Variants in GRIA4 observed in about 807,000 individuals in gnomAD.
GRIA4 encodes the protein glutamate receptor 4.
Under a neutral mutation model 104.0 loss-of-function variants are expected in GRIA4, and 34 were observed. That is an observed-to-expected ratio of 0.33 (90% CI 0.25 to 0.44). The LOEUF is 0.44. Among genes scored for constraint, GRIA4 ranks in the 20% least tolerant of loss-of-function variants. The probability of loss-of-function intolerance (pLI) is 1.00; values close to 1 mark genes in which losing one functional copy is unlikely to be tolerated. For synonymous variants in GRIA4, 386 were observed against 381.9 expected, an observed-to-expected ratio of 1.01 and a Z score of -0.13; for missense variants, 750 against 1,096.5, an observed-to-expected ratio of 0.68 and a Z score of 4.46.
At chr11:105,978,337 A>G (rs1022547363) in intron 16 of GRIA4, among the ~76,000 whole-genome samples, 1 of 143,010 alleles carries the variant, frequency 7.0e-6, no homozygotes, top group Non-Finnish European at 1.6e-5. Context: ...TAAAAACTAT[A>G]CATGTTTCTG....
At position 105,820,490 on chromosome 11, in the gene GRIA4, C is replaced by G. The variant is rs542274813; in HGVS notation, c.488-41534C>G. On this transcript the variant is annotated intron_variant, in intron 4 of 16. Coordinates refer to ENST00000282499, the MANE Select transcript of GRIA4 (RefSeq NM_000829.4). ...TTGTCGGCTCCCCCATGCCAGGCAT[C>G]TCACTGGGCAGTTTTCATATGCAAT... is the stretch of plus-strand genomic sequence containing the variant. Among the ~76,000 whole-genome samples the G allele has an allele frequency of 3.9e-5, 6 of 152,202 alleles. No homozygotes were observed. The East Asian group carries it at 1.2e-3, about 30-fold the overall frequency.
intron 4 of GRIA4, among the ~76,000 whole-genome samples, chr11:105,849,928 T>C (rs1162398409): frequency 1.3e-5 from 2 of 152,226 alleles, no homozygotes; most frequent in Non-Finnish European, 2.9e-5. Flanking sequence ...TTCTGTGTTC[T>C]GTCACACTGC....
At position 105,940,469 on chromosome 11, in the gene GRIA4, T is replaced by C. The variant is rs75881684; in HGVS notation, c.2294+6500T>C. 6.5e-3 allele frequency among the ~76,000 whole-genome samples: 991 copies of C among 152,222 alleles called. 14 individuals are homozygous for C. Among genetic ancestry groups the C allele is most frequent in the African/African-American group, 0.023 (943 of 41,544 alleles). ...GTGGAGAATATTTTAGACAAACACA[T>C]GCAGGCACACAACACAGAGCTTTGG... On this transcript the variant is annotated intron_variant, in intron 14 of 16. Coordinates refer to ENST00000282499, the MANE Select transcript of GRIA4 (RefSeq NM_000829.4).
intron 4 of GRIA4, among the ~76,000 whole-genome samples, chr11:105,810,565 A>G (rs777376746): frequency 6.6e-6 from 1 of 152,202 alleles, no homozygotes; most frequent in Non-Finnish European, 1.5e-5. Flanking sequence ...AAAAGGGTGC[A>G]CATCTCTGTC....
intron 6 of GRIA4, among the ~76,000 whole-genome samples, chr11:105,894,475 C>G (rs1216129265): frequency 1.3e-5 from 2 of 152,100 alleles, no homozygotes; most frequent in Non-Finnish European, 2.9e-5. Context: ...TAGCACAATG[C>G]CTGGCATATA....
At chr11:105,740,813 T>C (rs572764586) in intron 3 of GRIA4, among the ~76,000 whole-genome samples, 9 of 152,006 alleles carry the variant, frequency 5.9e-5, no homozygotes, top group Admixed American at 6.6e-5. Context: ...TAAGTTTAAA[T>C]AGAAGAAAAA....
At chr11:105,688,160 ATCTATC>A (rs1952956428) in intron 3 of GRIA4, among the ~76,000 whole-genome samples, 2 of 141,110 alleles carry the variant, frequency 1.4e-5, no homozygotes, top group African/African-American at 5.6e-5. Flanking sequence ...CTATATCTCT[ATCTATC>A]TATCTATCTA....
At chr11:105,859,358 T>C (rs1945134106) in intron 4 of GRIA4, among the ~76,000 whole-genome samples, 1 of 152,216 alleles carries the variant, frequency 6.6e-6, no homozygotes, top group African/African-American at 2.4e-5. Context: ...AGTAACCAAC[T>C]TTCTTTGCCA....
Position 105,887,581 on chromosome 11 carries a change from TTCTTA to T in GRIA4, c.726+11_726+15del. 8.0e-7 allele frequency: 1 copy of T among 1,242,604 alleles called. No individual in the cohort carries two copies. Among genetic ancestry groups the T allele is most frequent in the Non-Finnish European group, 1.2e-6 (1 of 853,134 alleles). 77.0% of individuals were successfully genotyped at this position (1,242,604 alleles called of 1,614,324 possible). The stretch of plus-strand genomic sequence containing the variant: ...ATATCATTGCAAACTTGGTAAGAAC[TTCTTA>T]TTTTCTACTTTTCATAAGAATTGCT... On this transcript the variant is annotated intron_variant, in intron 6 of 16. Coordinates refer to ENST00000282499, the MANE Select transcript of GRIA4 (RefSeq NM_000829.4).
intron 3 of GRIA4, among the ~76,000 whole-genome samples, chr11:105,669,487 CTGATT>C (rs538140993): frequency 1.8e-4 from 27 of 152,028 alleles, no homozygotes; most frequent in Non-Finnish European, 3.7e-4. Context: ...GCTAATCTTC[CTGATT>C]TGGAGTATTT....
At chr11:105,884,552 T>C (rs1170680882) in intron 5 of GRIA4, among the ~76,000 whole-genome samples, 2 of 152,176 alleles carry the variant, frequency 1.3e-5, no homozygotes, top group Non-Finnish European at 2.9e-5. Context: ...TTTGTTTTTT[T>C]CCCAGCCAGG....
intron 3 of GRIA4, among the ~76,000 whole-genome samples, chr11:105,657,857 A>G (rs1951889756): frequency 6.6e-6 from 1 of 151,928 alleles, no homozygotes; most frequent in African/African-American, 2.4e-5. Context: ...TACAGATGGA[A>G]TGTATTTTTT....
chr11:105,954,893 G>A (rs1213956549), intron 14 of GRIA4, among the ~76,000 whole-genome samples: 1 of 138,308 alleles, frequency 7.2e-6, no homozygotes, highest in Non-Finnish European at 1.5e-5. Flanking sequence ...CTTTTTGATA[G>A]GTATATTGCT....
intron 3 of GRIA4, among the ~76,000 whole-genome samples, chr11:105,621,443 A>G (rs757998205): frequency 6.6e-6 from 1 of 151,424 alleles, no homozygotes; most frequent in Admixed American, 6.6e-5. Context: ...AGCTTCTAAT[A>G]TGTATCTAGA....
At chr11:105,917,524 A>G (rs1736236985) in intron 10 of GRIA4, among the ~76,000 whole-genome samples, 1 of 152,220 alleles carries the variant, frequency 6.6e-6, no homozygotes, top group African/African-American at 2.4e-5. Flanking sequence ...AACTTCCCCA[A>G]TTATGAACTT....
At chr11:105,932,666 T>C (rs1591460312) in intron 13 of GRIA4, among the ~76,000 whole-genome samples, 2 of 152,232 alleles carry the variant, frequency 1.3e-5, no homozygotes, top group South Asian at 2.1e-4. Context: ...TCAAGGGGAT[T>C]AGAATGACCA....
At chr11:105,931,301 C>G (rs963058358) in intron 13 of GRIA4, among the ~76,000 whole-genome samples, 10 of 151,028 alleles carry the variant, frequency 6.6e-5, no homozygotes, top group African/African-American at 2.2e-4. Flanking sequence ...CACACACACA[C>G]ACCAATCTTC....
chr11:105,836,487 GC>G (rs1373435839), intron 4 of GRIA4, among the ~76,000 whole-genome samples: 1 of 152,028 alleles, frequency 6.6e-6, no homozygotes. Flanking sequence ...CATGCCATCT[GC>G]CCTCTGTATA....
intron 5 of GRIA4, among the ~76,000 whole-genome samples, chr11:105,881,455 G>C (rs1261274465): frequency 6.6e-6 from 1 of 152,142 alleles, no homozygotes; most frequent in African/African-American, 2.4e-5. Flanking sequence ...TGACCATAGA[G>C]ACATCAGACT....
Sources: allele counts gnomAD v4.1 joint callset (sites outside exome capture counted in the v4.1 genomes callset), GRCh38; gene constraint gnomAD v4.1.1; transcripts MANE v1.5; gene names NCBI Gene and HGNC (gene_info 2026-07-23, HGNC 2026-07-21).